SAMD5: variants seen among roughly 807,000 people sequenced by gnomAD.
The protein encoded by SAMD5 is sterile alpha motif domain-containing protein 5.
Under a neutral mutation model 11.3 loss-of-function variants are expected in SAMD5, and 13 were observed. The observed-to-expected ratio is 1.15, with a 90% CI of 0.75 to 1.83. The LOEUF is 1.83. Among genes scored for constraint, SAMD5 ranks in the 40% most tolerant of loss-of-function variants. The pLI is 0.00. For missense variants in SAMD5, 255 were observed against 239.1 expected, an observed-to-expected ratio of 1.07 and a Z score of -0.44; for synonymous variants, 129 against 111.3, an observed-to-expected ratio of 1.16 and a Z score of -1.00.
At position 147,566,550 on chromosome 6, in the gene SAMD5, G is replaced by A. The variant is rs1333562841; in HGVS notation, c.*2094G>A. The stretch of plus-strand genomic sequence containing the variant: ...TGTGGGCCTTATGAGGCAATCTACT[G>A]CAATGGAAAAAGGGTTCCTTGGTCA... On this transcript the variant is annotated 3_prime_UTR_variant, in exon 2 of 2. Coordinates refer to ENST00000367474, the MANE Select transcript of SAMD5 (RefSeq NM_001030060.3). 3 of 984,384 alleles carry A rather than the reference G, an allele frequency of 3.0e-6. No homozygotes were observed. Among genetic ancestry groups the A allele is most frequent in the Non-Finnish European group, 3.6e-6 (3 of 828,798 alleles). The allele number at this position is 984,384 out of a possible 1,614,324, so 61.0% of individuals were successfully genotyped here.
chr6:147,722,814 A>G (rs1791574249), intron 1 of SAMD5, among the ~76,000 whole-genome samples: 1 of 152,150 alleles, frequency 6.6e-6, no homozygotes, highest in African/African-American at 2.4e-5. Flanking sequence ...AAATGAACAC[A>G]CTTCTTGTTC....
intron 1 of SAMD5, among the ~76,000 whole-genome samples, chr6:147,514,788 C>T (rs138639800): frequency 2.3e-4 from 35 of 151,998 alleles, no homozygotes; most frequent in Admixed American, 2.2e-3. Context: ...TTAATACTTT[C>T]GTAGGAGTGT....
At position 147,695,808 on chromosome 6, in the gene SAMD5, C is replaced by CAT. The variant is rs372313101; in HGVS notation, c.163-41501_163-41500dup. Among the ~76,000 whole-genome samples, 343 of 152,252 alleles carry CAT rather than the reference C, an allele frequency of 2.3e-3. 2 individuals carry two copies. The highest frequency in any genetic ancestry group is 7.9e-3 in the African/African-American group (330 of 41,548). On this transcript the variant is annotated intron_variant, in intron 1 of 1. Coordinates refer to the SAMD5 transcript ENST00000566741. ...CAGAGACATTACTAAGACTTTGTAC[C>CAT]ATATATATACTTTATACATATATAT...
chr6:147,816,018 G>A, the SAMD5 span, among the ~76,000 whole-genome samples: 1 of 151,840 alleles, frequency 6.6e-6, no homozygotes, highest in Non-Finnish European at 1.5e-5. Flanking sequence ...GGTGGCTCAC[G>A]CCTGTAATCC....
the SAMD5 span, among the ~76,000 whole-genome samples, chr6:147,938,135 T>C: frequency 6.6e-6 from 1 of 152,232 alleles, no homozygotes; most frequent in Non-Finnish European, 1.5e-5. Flanking sequence ...GATTAATCTA[T>C]ATCAGAGAGT....
intron 1 of SAMD5, among the ~76,000 whole-genome samples, chr6:147,632,530 T>C (rs925584490): frequency 2.6e-5 from 4 of 152,036 alleles, no homozygotes; most frequent in Admixed American, 6.5e-5. Flanking sequence ...TTGAGCACAG[T>C]TTGTGATTTT....
intron 1 of SAMD5, among the ~76,000 whole-genome samples, chr6:147,715,157 T>G (rs1198238401): frequency 6.6e-6 from 1 of 152,024 alleles, no homozygotes; most frequent in Non-Finnish European, 1.5e-5. Flanking sequence ...TTTGCCCAAG[T>G]TTTTACTCAG....
the SAMD5 span, among the ~76,000 whole-genome samples, chr6:147,878,680 T>C: frequency 1.3e-5 from 2 of 150,428 alleles, no homozygotes; most frequent in African/African-American, 4.9e-5. Context: ...TATATGTAGA[T>C]ATATTATCTA....
intron 1 of SAMD5, chr6:147,692,439 A>C (rs1471368856): frequency 1.3e-5 from 2 of 152,124 alleles, no homozygotes; most frequent in Non-Finnish European, 2.9e-5. Flanking sequence ...TCATTTATTT[A>C]GCAGCTTTGT....
intron 1 of SAMD5, among the ~76,000 whole-genome samples, chr6:147,580,674 A>G (rs11155506): frequency 0.34 from 52,120 of 152,128 alleles, 9,051 homozygotes; most frequent in Non-Finnish European, 0.36. Flanking sequence ...GGCCAGTGGT[A>G]GCATATTAGC....
At chr6:147,918,427 A>T in the SAMD5 span, among the ~76,000 whole-genome samples, 1 of 152,090 alleles carries the variant, frequency 6.6e-6, no homozygotes, top group African/African-American at 2.4e-5. Context: ...TCCCTTTGAA[A>T]ACTGGCACAA....
At chr6:147,564,027 C>G (rs1242601215) in intron 1 of SAMD5, among the ~76,000 whole-genome samples, 1 of 152,174 alleles carries the variant, frequency 6.6e-6, no homozygotes, top group African/African-American at 2.4e-5. Flanking sequence ...TGCTCTAGTA[C>G]TAACGTTGCT....
At position 147,568,912 on chromosome 6, in the gene SAMD5, G is replaced by GA. The variant is rs201712616; in HGVS notation, c.*4465dup. The stretch of plus-strand genomic sequence containing the variant: ...GATATTTCCATAAAAGGCTTAAAGG[G>GA]AAAAAAAAATGGTAGGTAGTTCAGA... On this transcript the variant is annotated 3_prime_UTR_variant, in exon 2 of 2. Coordinates refer to ENST00000367474, the MANE Select transcript of SAMD5 (RefSeq NM_001030060.3). 699 of 960,478 alleles carry GA rather than the reference G, an allele frequency of 7.3e-4. No homozygotes were observed. Among genetic ancestry groups the GA allele is most frequent in the Non-Finnish European group, 7.9e-4 (635 of 808,666 alleles). The allele number at this position is 960,478 out of a possible 1,614,324, so 59.5% of individuals were successfully genotyped here.
At chr6:147,885,915 C>A in the SAMD5 span, among the ~76,000 whole-genome samples, 1 of 152,104 alleles carries the variant, frequency 6.6e-6, no homozygotes, top group African/African-American at 2.4e-5. Context: ...TACCATATGT[C>A]TAAAGAACAT....
chr6:147,753,228 T>C, the SAMD5 span, among the ~76,000 whole-genome samples: 2 of 152,202 alleles, frequency 1.3e-5, no homozygotes, highest in East Asian at 1.9e-4. Flanking sequence ...GCAGAGTTCA[T>C]GGGAGGCAGG....
the SAMD5 span, among the ~76,000 whole-genome samples, chr6:147,881,207 A>T: frequency 6.6e-6 from 1 of 152,330 alleles, no homozygotes. Context: ...GGCAAAACTA[A>T]GATCTTTGTT....
intron 1 of SAMD5, among the ~76,000 whole-genome samples, chr6:147,596,742 C>G (rs1319901722): frequency 3.9e-5 from 6 of 152,126 alleles, no homozygotes; most frequent in Admixed American, 3.3e-4. Flanking sequence ...TTAAAATTTA[C>G]TTAACAAACC....
At chr6:147,885,426 T>TA in the SAMD5 span, among the ~76,000 whole-genome samples, 55 of 152,168 alleles carry the variant, frequency 3.6e-4, 2 homozygotes. Context: ...CTTTTTTCTT[T>TA]AAAAACAAAA....
chr6:147,728,713 T>C (rs1791664969), intron 1 of SAMD5, among the ~76,000 whole-genome samples: 1 of 152,186 alleles, frequency 6.6e-6, no homozygotes. Context: ...TTTTAAAAAA[T>C]AGGCCAGTCT....
Sources: allele counts gnomAD v4.1 joint callset (sites outside exome capture counted in the v4.1 genomes callset), GRCh38; gene constraint gnomAD v4.1.1; transcripts MANE v1.5; gene names NCBI Gene and HGNC (gene_info 2026-07-23, HGNC 2026-07-21).